Variants in RGS5 observed in about 807,000 individuals in gnomAD.
The protein encoded by RGS5 is regulator of G-protein signalling 5.
RGS5 carries 20 observed loss-of-function variants against 18.9 expected under a neutral mutation model. The observed-to-expected ratio is 1.06, with a 90% CI of 0.74 to 1.54. The LOEUF (loss-of-function observed/expected upper bound fraction) is 1.54, where lower values mean the gene tolerates loss of function less well. Ranked by LOEUF, RGS5 falls within the 40% of genes most tolerant of loss-of-function variation. The probability of loss-of-function intolerance (pLI) is 0.00; values close to 1 mark genes in which losing one functional copy is unlikely to be tolerated. For missense variants in RGS5, 201 were observed against 211.8 expected, an observed-to-expected ratio of 0.95 and a Z score of 0.32; for synonymous variants, 57 against 76.2, an observed-to-expected ratio of 0.75 and a Z score of 1.31.
intron 2 of RGS5, among the ~76,000 whole-genome samples, chr1:163,246,453 C>G (rs887465566): frequency 2.0e-5 from 3 of 151,458 alleles, no homozygotes; most frequent in Middle Eastern, 3.2e-3. Flanking sequence ...CACCTGTAGT[C>G]CCAGCTACTC....
chr1:163,163,246 T>A (rs372853932), intron 2 of RGS5, among the ~76,000 whole-genome samples: 6 of 152,334 alleles, frequency 3.9e-5, no homozygotes, highest in East Asian at 3.9e-4. Flanking sequence ...GCATCGGTTG[T>A]GAGTCCTGAT....
In RGS5 at chr1:163,161,350, A is replaced by C. The variant is rs144853220; in HGVS notation, c.217+565T>G. Among the ~76,000 whole-genome samples the C allele has an allele frequency of 1.4e-3, 220 of 152,296 alleles. 1 individual carries two copies. The highest frequency in any genetic ancestry group is 2.6e-3 in the Non-Finnish European group (175 of 68,020). On this transcript the variant is annotated intron_variant, in intron 3 of 4. Transcript: ENST00000313961. ...TAGTGCTTATTGATGCACTGGTATT[A>C]GCTTGGAAAAGAGTCTGCACTGATC...
chr1:163,285,317 G>A (rs960462736), intron 2 of RGS5, among the ~76,000 whole-genome samples: 1 of 152,144 alleles, frequency 6.6e-6, no homozygotes, highest in Non-Finnish European at 1.5e-5. Context: ...CACTTTGGGA[G>A]GCCAAGACAG....
intron 1 of RGS5, among the ~76,000 whole-genome samples, chr1:163,208,347 CA>C (rs55848330): frequency 0.015 from 571 of 37,786 alleles, no homozygotes; most frequent in African/African-American, 0.035. Context: ...GACTCCGTCT[CA>C]AAAAAAAAAA....
At chr1:163,179,819 G>A (rs1013337429) in intron 1 of RGS5, among the ~76,000 whole-genome samples, 1 of 152,146 alleles carries the variant, frequency 6.6e-6, no homozygotes, top group Non-Finnish European at 1.5e-5. Flanking sequence ...AGCAATCAAG[G>A]ACCTGAGGTG....
upstream of RGS5, among the ~76,000 whole-genome samples, chr1:163,204,120 A>G (rs1659876056): frequency 6.6e-6 from 1 of 152,206 alleles, no homozygotes; most frequent in Admixed American, 6.5e-5. Flanking sequence ...AATGCAGTGC[A>G]TTATGACCTG....
chr1:163,212,796 T>G (rs922022770), intron 1 of RGS5: 6 of 152,220 alleles, frequency 3.9e-5, no homozygotes, highest in African/African-American at 1.4e-4. Context: ...CCATCCTATA[T>G]TATGTCTCTG....
chr1:163,145,857 CAGA>C lies in RGS5; in HGVS notation c.*1482_*1484del, dbSNP rs1337781042. 1 of 152,086 alleles carries C rather than the reference CAGA, an allele frequency of 6.6e-6. No homozygotes were observed. The highest frequency in any genetic ancestry group is 2.4e-5 in the African/African-American group (1 of 41,410). 9.4% of individuals were successfully genotyped at this position (152,086 alleles called of 1,614,324 possible). On this transcript the variant is annotated 3_prime_UTR_variant, in exon 5 of 5. Transcript: ENST00000313961. ...AGAGTGTGTGAATGAAAGAGAGCAA[CAGA>C]AGGAGGAAATACAAGACTAGACAAT...
At chr1:163,209,139 G>GTTAAAAAA (rs1660038855) in intron 1 of RGS5, among the ~76,000 whole-genome samples, 1 of 152,028 alleles carries the variant, frequency 6.6e-6, no homozygotes, top group Admixed American at 6.5e-5. Flanking sequence ...AACCAAAAAG[G>GTTAAAAAA]CCCTTCCTCC....
chr1:163,301,595 A>T (rs896480686), intron 2 of RGS5, among the ~76,000 whole-genome samples: 2 of 152,150 alleles, frequency 1.3e-5, no homozygotes, highest in Non-Finnish European at 2.9e-5. Flanking sequence ...GGCCTCCAAA[A>T]GTGCTGGTAT....
At chr1:163,310,334 C>T (rs796665970) in intron 1 of RGS5, among the ~76,000 whole-genome samples, 7 of 152,278 alleles carry the variant, frequency 4.6e-5, no homozygotes, top group African/African-American at 1.7e-4. Context: ...CGCCTGTAAT[C>T]CCAGCACTTT....
At chr1:163,215,635 T>A (rs909078330) in intron 1 of RGS5, among the ~76,000 whole-genome samples, 1 of 152,158 alleles carries the variant, frequency 6.6e-6, no homozygotes, top group Non-Finnish European at 1.5e-5. Context: ...AGCTGTTAAC[T>A]CTTCTACACC....
rs1340923634 is a variant in RGS5 at position 163,147,084 on chromosome 1, AT to A, written c.*257del. The stretch of plus-strand genomic sequence containing the variant: ...TAGGCAGGATTTTTCTGTGATTCTG[AT>A]TGTGTCTGACTACAAGCTGAAGATA... On this transcript the variant is annotated 3_prime_UTR_variant, in exon 5 of 5. Transcript: ENST00000313961. 2 of 305,604 alleles carry A rather than the reference AT, an allele frequency of 6.5e-6. No individual in the cohort carries two copies. Among genetic ancestry groups the A allele is most frequent in the Non-Finnish European group, 1.2e-5 (2 of 167,778 alleles). The allele number at this position is 305,604 out of a possible 1,614,324, so 18.9% of individuals were successfully genotyped here.
At chr1:163,253,973 C>T (rs532850700) in intron 2 of RGS5, among the ~76,000 whole-genome samples, 187 of 151,832 alleles carry the variant, frequency 1.2e-3, no homozygotes, top group African/African-American at 4.3e-3. Flanking sequence ...CTACAAAGCA[C>T]ATGAACTCAT....
chr1:163,281,862 C>T (rs980430931), intron 2 of RGS5, among the ~76,000 whole-genome samples: 1 of 152,154 alleles, frequency 6.6e-6, no homozygotes. Context: ...AGCTGGATAT[C>T]CACACGCATA....
intron 2 of RGS5, among the ~76,000 whole-genome samples, chr1:163,287,499 A>G (rs560825491): frequency 3.3e-4 from 51 of 152,372 alleles, no homozygotes; most frequent in African/African-American, 1.2e-3. Flanking sequence ...GATGTCTAAA[A>G]TAATGGTTAT....
At chr1:163,255,323 T>C (rs947409415) in intron 2 of RGS5, among the ~76,000 whole-genome samples, 3 of 152,190 alleles carry the variant, frequency 2.0e-5, no homozygotes, top group Non-Finnish European at 4.4e-5. Flanking sequence ...TTTTATTTCG[T>C]TGATCAGTGG....
At chr1:163,306,026 T>TA (rs1469796201) in intron 2 of RGS5, among the ~76,000 whole-genome samples, 1 of 152,228 alleles carries the variant, frequency 6.6e-6, no homozygotes, top group Non-Finnish European at 1.5e-5. Flanking sequence ...CTATACATCT[T>TA]AAACAGTTTC....
chr1:163,190,845 G>A (rs890521450), intron 1 of RGS5, among the ~76,000 whole-genome samples: 3 of 152,220 alleles, frequency 2.0e-5, no homozygotes, highest in South Asian at 2.1e-4. Context: ...TATATGGTCA[G>A]TGGAAGCCTA....
Sources: allele counts gnomAD v4.1 joint callset (sites outside exome capture counted in the v4.1 genomes callset), GRCh38; gene constraint gnomAD v4.1.1; transcripts MANE v1.5; gene names NCBI Gene and HGNC (gene_info 2026-07-23, HGNC 2026-07-21).